Variants in SYT10 observed in about 807,000 individuals in gnomAD.
SYT10 encodes synaptotagmin 10, also known as synaptotagmin-10.
SYT10 carries 31 observed loss-of-function variants against 51.1 expected under a neutral mutation model. The observed-to-expected ratio is 0.61, with a 90% CI of 0.46 to 0.82. SYT10 has a LOEUF of 0.82. Ranked by LOEUF, SYT10 falls within the 40% of genes least tolerant of loss-of-function variation. SYT10 has a pLI of 0.00. For missense variants in SYT10, 603 were observed against 634.0 expected (o/e 0.95, Z 0.53); for synonymous variants, 233 against 225.9 (o/e 1.03, Z -0.28).
intron 3 of SYT10, among the ~76,000 whole-genome samples, chr12:33,396,677 T>C (rs1866258578): frequency 6.6e-6 from 1 of 151,934 alleles, no homozygotes; most frequent in Non-Finnish European, 1.5e-5. Flanking sequence ...CAATGAAATG[T>C]GGAATTCCAC....
chr12:33,384,154 T>C (rs1324712754), intron 4 of SYT10, among the ~76,000 whole-genome samples: 1 of 152,158 alleles, frequency 6.6e-6, no homozygotes, highest in African/African-American at 2.4e-5. Flanking sequence ...TCCCTCTTCA[T>C]CCCTTAGTTT....
chr12:33,396,723 C>A (rs1344009899), intron 3 of SYT10, among the ~76,000 whole-genome samples: 1 of 148,882 alleles, frequency 6.7e-6, no homozygotes, highest in East Asian at 2.0e-4. Context: ...CTCGCTCTGT[C>A]GCCAGGCTGG....
chr12:33,406,385 C>T (rs1338851632), intron 3 of SYT10, among the ~76,000 whole-genome samples: 2 of 151,950 alleles, frequency 1.3e-5, no homozygotes, highest in African/African-American at 2.4e-5. Context: ...GATGAATTAT[C>T]TTAAATAATG....
chr12:33,419,808 A>G (rs1412949400), intron 2 of SYT10, among the ~76,000 whole-genome samples: 1 of 152,258 alleles, frequency 6.6e-6, no homozygotes, highest in Non-Finnish European at 1.5e-5. Flanking sequence ...ATCTACAGAT[A>G]ACGTTCTGAG....
intron 3 of SYT10, among the ~76,000 whole-genome samples, chr12:33,391,436 A>G (rs1013826262): frequency 2.0e-5 from 3 of 152,116 alleles, no homozygotes; most frequent in Admixed American, 6.5e-5. Context: ...GGGTCAGCTT[A>G]TAAGGAGGCT....
intron 3 of SYT10, among the ~76,000 whole-genome samples, chr12:33,395,100 C>CAAACA (rs1414251332): frequency 2.6e-5 from 4 of 152,248 alleles, no homozygotes; most frequent in East Asian, 3.9e-4. Flanking sequence ...AACAAACAAA[C>CAAACA]AAACAAAACA....
At chr12:33,412,226 G>A (rs1464657518) in intron 2 of SYT10, among the ~76,000 whole-genome samples, 1 of 91,214 alleles carries the variant, frequency 1.1e-5, no homozygotes, top group Non-Finnish European at 2.0e-5. Context: ...TTTTGCAGCT[G>A]TAAAGTCCCT....
At chr12:33,400,589 A>AAT (rs34862162) in intron 3 of SYT10, among the ~76,000 whole-genome samples, 68,796 of 151,416 alleles carry the variant, frequency 0.45, 16,370 homozygotes, top group East Asian at 0.75. Flanking sequence ...AAAAAAAAAA[A>AAT]TTTCATTGAA....
intron 3 of SYT10, among the ~76,000 whole-genome samples, chr12:33,403,057 G>A (rs1195391772): frequency 6.6e-6 from 1 of 151,748 alleles, no homozygotes; most frequent in African/African-American, 2.4e-5. Flanking sequence ...CTTTTCCCCA[G>A]TAAATTTTGG....
intron 1 of SYT10, among the ~76,000 whole-genome samples, chr12:33,431,961 T>G (rs1171538773): frequency 6.6e-6 from 1 of 152,156 alleles, no homozygotes; most frequent in African/African-American, 2.4e-5. Flanking sequence ...TAACACTTTT[T>G]ATGGCATAGA....
At chr12:33,420,670 G>C (rs1012513337) in intron 2 of SYT10, among the ~76,000 whole-genome samples, 3 of 151,764 alleles carry the variant, frequency 2.0e-5, no homozygotes, top group Non-Finnish European at 4.4e-5. Context: ...AACAACAACA[G>C]CAAAAAAGAA....
Position 33,439,554 on chromosome 12 carries a change from T to TC in SYT10, c.-33dup. On this transcript the variant is annotated 5_prime_UTR_variant, in exon 1 of 7. Transcript: ENST00000228567. ...GCTTTTCTTTCGTTTTCTCTTTTTT[T>TC]CCCAGTTAGCCGTCTTTTCCTCTTC... 1.2e-6 allele frequency: 2 copies of TC among 1,608,008 alleles called. No homozygotes were observed. The highest frequency in any genetic ancestry group is 1.7e-6 in the Non-Finnish European group (2 of 1,176,228).
At chr12:33,421,638 A>G (rs1866505884) in intron 2 of SYT10, among the ~76,000 whole-genome samples, 1 of 152,186 alleles carries the variant, frequency 6.6e-6, no homozygotes, top group South Asian at 2.1e-4. Flanking sequence ...ATGTGCCTAC[A>G]CAGTGGTGGA....
chr12:33,407,056 A>AT lies in SYT10; in HGVS notation c.809dup (p.Tyr270Ter). ...TATCTGGAAGAAGATACATCTTCAC[A>AT]TAAGGGTCAGAAGTTCCTGTGAAGT... ...AKDFTGTSDP[Y>*]VKMYLLPDRK... The change falls in exon 3 of 7, where the codon TAT (tyrosine) becomes TAAT (stop). Residue 270 changes from tyrosine (Y) to a stop codon, truncating the protein, a stop_gained and frameshift_variant. Coordinates refer to ENST00000228567, the MANE Select transcript of SYT10 (RefSeq NM_198992.4). LOFTEE classifies it high-confidence loss of function. 1 of 1,614,202 alleles carries AT rather than the reference A, an allele frequency of 6.2e-7. No individual in the cohort carries two copies. The highest frequency in any genetic ancestry group is 8.5e-7 in the Non-Finnish European group (1 of 1,180,024).
chr12:33,386,329 A>G (rs563734746), intron 3 of SYT10, among the ~76,000 whole-genome samples: 56 of 152,118 alleles, frequency 3.7e-4, no homozygotes, highest in Non-Finnish European at 1.2e-4. Flanking sequence ...CACACACATA[A>G]GGTTTATGTC....
intron 1 of SYT10, among the ~76,000 whole-genome samples, chr12:33,436,261 G>A (rs1866636672): frequency 1.3e-5 from 2 of 152,140 alleles, no homozygotes; most frequent in African/African-American, 4.8e-5. Flanking sequence ...CCAATATGTT[G>A]CTTTGTATTT....
At chr12:33,395,849 C>T (rs1362862749) in intron 3 of SYT10, among the ~76,000 whole-genome samples, 10 of 141,748 alleles carry the variant, frequency 7.1e-5, no homozygotes, top group South Asian at 2.3e-4. Flanking sequence ...GTTGGACTTC[C>T]GTGTTTCACA....
At chr12:33,387,713 T>G (rs1352654029) in intron 3 of SYT10, among the ~76,000 whole-genome samples, 1 of 150,558 alleles carries the variant, frequency 6.6e-6, no homozygotes, top group Admixed American at 6.6e-5. Context: ...AGCCTACTGC[T>G]GAAGAAGGAA....
At chr12:33,383,424 A>G (rs1022772575) in intron 4 of SYT10, among the ~76,000 whole-genome samples, 14 of 152,190 alleles carry the variant, frequency 9.2e-5, no homozygotes, top group African/African-American at 3.1e-4. Context: ...GAGCATGTGA[A>G]TGCTTCTTAG....
Sources: gnomAD v4.1 joint callset for allele counts (sites outside exome capture counted in the v4.1 genomes callset) on GRCh38, gnomAD v4.1.1 for gene constraint, MANE v1.5 for transcripts, NCBI Gene and HGNC (gene_info 2026-07-23, HGNC 2026-07-21) for gene names.